Variants in POLD2 observed in about 807,000 individuals in gnomAD.
POLD2 encodes DNA polymerase delta 2, accessory subunit.
A neutral mutation model predicts 48.8 loss-of-function variants in POLD2; 31 were observed. That is an observed-to-expected ratio of 0.64 (90% CI 0.48 to 0.86). POLD2 has a LOEUF of 0.86. POLD2 is among the 40% of genes least tolerant of loss of function. The probability of loss-of-function intolerance (pLI) is 0.00; values close to 1 mark genes in which losing one functional copy is unlikely to be tolerated. For synonymous variants in POLD2, 233 were observed against 256.3 expected (o/e 0.91, Z 0.87); for missense variants, 455 against 610.1 (o/e 0.75, Z 2.68).
chr7:44,119,225 G>A (rs1468309273), intron 2 of POLD2, among the ~76,000 whole-genome samples: 2 of 152,108 alleles, frequency 1.3e-5, no homozygotes, highest in Non-Finnish European at 2.9e-5. Flanking sequence ...CGAGAAGAAA[G>A]GTATGGAGAA....
rs748109653 is a variant in POLD2, at chr7:44,117,926, G to A, written c.342+17C>T. On this transcript the variant is annotated intron_variant, in intron 3 of 10. Transcript: ENST00000610533. ...CAGGTCTGCCTGGCGGCCCCACTGT[G>A]TAGCACCCTGCCTCACCTCCTCGCT... The A allele has an allele frequency of 7.4e-6, 12 of 1,613,006 alleles. No individual in the cohort carries two copies. Among genetic ancestry groups the A allele is most frequent in the African/African-American group, 6.7e-5 (5 of 74,936 alleles).
At chr7:44,123,179 T>C in intron 1 of POLD2, 1 of 1,163,218 alleles carries the variant, frequency 8.6e-7, no homozygotes, top group Non-Finnish European at 1.1e-6. Context: ...GTACACCTAC[T>C]AGAAAGTTAA....
chr7:44,119,106 G>A (rs1408351083), intron 2 of POLD2, among the ~76,000 whole-genome samples: 3 of 129,042 alleles, frequency 2.3e-5, no homozygotes, highest in Middle Eastern at 5.3e-3. Context: ...TTCCATTCCC[G>A]TGGAGTCAGG....
Position 44,116,303 on chromosome 7 carries a change from G to A in POLD2, c.862-31C>T, listed in dbSNP as rs3087365. The A allele has an allele frequency of 6.3e-7, 1 of 1,596,456 alleles. No homozygotes were observed. Among genetic ancestry groups the A allele is most frequent in the East Asian group, 2.2e-5 (1 of 44,748 alleles). ...AGGCACAGGGCAGGGAGAGCTCACA[G>A]GGCCCCGAAGGAGCCCCCTACACCA... On this transcript the variant is annotated intron_variant, in intron 7 of 10. Coordinates refer to ENST00000610533, the MANE Select transcript of POLD2 (RefSeq NM_006230.4). The surrounding 1 kb of genome is among the most constrained non-coding windows in gnomAD (Gnocchi z 6.1).
At chr7:44,123,730 C>CGCGGGGCGGGGGCTCGCAGGCCG, upstream of POLD2, 4 of 1,339,582 alleles carry the variant, frequency 3.0e-6, no homozygotes, top group Non-Finnish European at 3.8e-6. Context: ...TCCTGGGCAA[C>CGCGGGGCGGGGGCTCGCAGGCCG]GCGGGGCGGG....
intron 2 of POLD2, among the ~76,000 whole-genome samples, chr7:44,119,324 G>A (rs1022054601): frequency 7.9e-5 from 12 of 152,108 alleles, no homozygotes; most frequent in East Asian, 3.9e-4. Flanking sequence ...AGGACAACGC[G>A]GATGCCAGAC....
Position 44,116,159 on chromosome 7 carries a change from G to A in POLD2, c.975C>T (p.Leu325=). The A allele has an allele frequency of 6.2e-7, 1 of 1,613,806 alleles. No individual in the cohort carries two copies. ...MFPLATAYST[L]QLVTNPYQAT... ...CCTGGTAGGGGTTGGTGACCAGCTG[G>A]AGCGTGGAGTAGGCAGTGGCCAGCG... Residue 325 remains leucine (L), a synonymous_variant, in exon 8 of 11, where the codon CTC becomes CTT. Coordinates refer to ENST00000610533, the MANE Select transcript of POLD2 (RefSeq NM_006230.4). The surrounding 1 kb of genome is among the most constrained non-coding windows in gnomAD (Gnocchi z 6.1).
chr7:44,122,310 G>A, intron 1 of POLD2: 1 of 1,384,028 alleles, frequency 7.2e-7, no homozygotes, highest in Non-Finnish European at 9.3e-7. Context: ...AAAGAGAAAA[G>A]GAAAGCTAGG....
chr7:44,122,232 G>A (rs1275172302), intron 1 of POLD2, 123 bp from the exon 2 acceptor site: 2 of 1,428,018 alleles, frequency 1.4e-6, no homozygotes, highest in African/African-American at 2.9e-5. Context: ...GTTGACACCA[G>A]ACATTGTGTC....
chr7:44,115,423 A>G (rs1246691592), intron 9 of POLD2, 27 bp from the exon 10 acceptor site: 1 of 1,405,230 alleles, frequency 7.1e-7, no homozygotes, highest in Admixed American at 1.7e-5. Context: ...AGCTCTGAGG[A>G]GGGTTCCGCC....
intron 2 of POLD2, among the ~76,000 whole-genome samples, chr7:44,120,822 AT>A (rs2096247243): frequency 1.3e-5 from 2 of 152,342 alleles, no homozygotes; most frequent in African/African-American, 4.8e-5. Flanking sequence ...CTGTGAGTCA[AT>A]TAAACCTCTT....
rs2096242295 is a variant in POLD2 at position 44,117,648 on chromosome 7, C to T, written c.437G>A (p.Gly146Asp). Residue 146 changes from glycine (G) to aspartate (D), a missense_variant, in exon 4 of 11, where the codon GGC (glycine) becomes GAC (aspartate). Physicochemically the swap from Gly to Asp is moderately conservative, Grantham distance 94. Transcript: ENST00000610533. Reference sequence around the variant, plus strand: ...AACCAGCTTTGACACGTCAATGGTGCCTTTTAGTTTGATACGCTGCAGTTC... The same window carrying T: ...AACCAGCTTTGACACGTCAATGGTGTCTTTTAGTTTGATACGCTGCAGTTC... ...EDELQRIKLK[G>D]TIDVSKLVTG... 5.0e-6 allele frequency: 8 copies of T among 1,608,572 alleles called. No individual in the cohort carries two copies. Among genetic ancestry groups the T allele is most frequent in the Non-Finnish European group, 5.1e-6 (6 of 1,177,406 alleles).
At chr7:44,120,963 A>G (rs1430396621) in intron 2 of POLD2, among the ~76,000 whole-genome samples, 2 of 152,174 alleles carry the variant, frequency 1.3e-5, no homozygotes, top group Non-Finnish European at 2.9e-5. Context: ...GCCTATAACG[A>G]GAATTGATCT....
intron 2 of POLD2, among the ~76,000 whole-genome samples, chr7:44,118,944 G>A (rs911764750): frequency 1.3e-5 from 2 of 152,124 alleles, no homozygotes; most frequent in African/African-American, 4.8e-5. Context: ...AGCATGCCAA[G>A]TCTCAACACA....
At chr7:44,115,528 C>G in intron 9 of POLD2, 132 bp from the exon 10 acceptor site, 1 of 740,016 alleles carries the variant, frequency 1.4e-6, no homozygotes, top group Non-Finnish European at 2.3e-6. Context: ...GGGGCACCTC[C>G]AGACATTGTC....
chr7:44,116,572 AG>A lies in POLD2; in HGVS notation c.781-63del. ...GAGTCCCAGGCTCAGAGGAGAGTAG[AG>A]CCCCACCAGCTGGAAGATGCAGTTG... On this transcript the variant is annotated intron_variant, in intron 6 of 10. Transcript: ENST00000610533. The surrounding 1 kb of genome is among the most constrained non-coding windows in gnomAD (Gnocchi z 6.1). 7.6e-7 allele frequency: 1 copy of A among 1,309,760 alleles called. No individual in the cohort carries two copies. 81.1% of individuals were successfully genotyped at this position (1,309,760 alleles called of 1,614,324 possible).
At chr7:44,119,662 C>T (rs1056167367) in intron 2 of POLD2, among the ~76,000 whole-genome samples, 1 of 152,200 alleles carries the variant, frequency 6.6e-6, no homozygotes. Context: ...CAAGTGTATG[C>T]CCCTGAGCAC....
Position 44,116,162 on chromosome 7 carries a change from C to G in POLD2, c.972G>C (p.Thr324=). ...CMFPLATAYS[T]LQLVTNPYQA... is the part of the protein sequence containing the mutation. Reference sequence around the variant, plus strand: ...GGTAGGGGTTGGTGACCAGCTGGAGCGTGGAGTAGGCAGTGGCCAGCGGGA... The same window carrying G: ...GGTAGGGGTTGGTGACCAGCTGGAGGGTGGAGTAGGCAGTGGCCAGCGGGA... Residue 324 remains threonine (T), a synonymous_variant, in exon 8 of 11, where the codon ACG becomes ACC. Coordinates refer to ENST00000610533, the MANE Select transcript of POLD2 (RefSeq NM_006230.4). This position sits in a 1 kb window ranked among gnomAD's most constrained non-coding sequence, Gnocchi z 6.1. 1 of 1,613,694 alleles carries G rather than the reference C, an allele frequency of 6.2e-7. No homozygotes were observed. The highest frequency in any genetic ancestry group is 2.2e-5 in the East Asian group (1 of 44,868).
Position 44,114,860 on chromosome 7 carries a change from C to T in POLD2, c.1335G>A (p.Leu445=), listed in dbSNP as rs2128809964. ...QTACLVNLRS[L]ACQPISFSGF... ...CCGAGAAGCTGATGGGCTGGCAGGCCAGGCTGCGCAGGTTCACAAGGCAGG... is the reference window on the plus strand; with the variant it reads ...CCGAGAAGCTGATGGGCTGGCAGGCTAGGCTGCGCAGGTTCACAAGGCAGG... Residue 445 remains leucine (L), a synonymous_variant, in exon 11 of 11, where the codon CTG becomes CTA. Coordinates refer to ENST00000610533, the MANE Select transcript of POLD2 (RefSeq NM_006230.4). 1 of 1,613,892 alleles carries T rather than the reference C, an allele frequency of 6.2e-7. No individual in the cohort carries two copies. Among genetic ancestry groups the T allele is most frequent in the Non-Finnish European group, 8.5e-7 (1 of 1,179,868 alleles).
Sources: allele counts gnomAD v4.1 joint callset (sites outside exome capture counted in the v4.1 genomes callset), GRCh38; gene constraint gnomAD v4.1.1; non-coding constraint Gnocchi (gnomAD v3.1); transcripts MANE v1.5; gene names NCBI Gene and HGNC (gene_info 2026-07-23, HGNC 2026-07-21).